PXDNL: variants seen among roughly 807,000 people sequenced by gnomAD.
PXDNL encodes peroxidasin like.
PXDNL carries 145 observed loss-of-function variants against 150.8 expected under a neutral mutation model. The observed-to-expected ratio is 0.96, with a 90% CI of 0.84 to 1.10. The LOEUF is 1.10. Ranked by LOEUF, PXDNL falls within the 50% of genes least tolerant of loss-of-function variation. The probability of loss-of-function intolerance (pLI) is 0.00; values close to 1 mark genes in which losing one functional copy is unlikely to be tolerated. For synonymous variants in PXDNL, 757 were observed against 725.7 expected (o/e 1.04, Z -0.69); for missense variants, 2,087 against 1,873.9 (o/e 1.11, Z -2.10).
chr8:51,614,918 A>G (rs1393454877), intron 2 of PXDNL, among the ~76,000 whole-genome samples: 1 of 152,234 alleles, frequency 6.6e-6, no homozygotes, highest in Admixed American at 6.5e-5. Context: ...ATATAAGCAA[A>G]TAAAAAACTA....
At chr8:51,728,544 T>C (rs973471027) in intron 1 of PXDNL, among the ~76,000 whole-genome samples, 2 of 152,056 alleles carry the variant, frequency 1.3e-5, no homozygotes, top group Non-Finnish European at 2.9e-5. Flanking sequence ...CCTAGGCGAA[T>C]GTGTGTGTTT....
At chr8:51,783,858 G>A (rs2037437338) in intron 1 of PXDNL, among the ~76,000 whole-genome samples, 1 of 152,074 alleles carries the variant, frequency 6.6e-6, no homozygotes, top group Admixed American at 6.5e-5. Flanking sequence ...GAAAGAAATT[G>A]GTAAAATGGA....
chr8:51,623,416 A>C (rs1000755688), intron 2 of PXDNL, among the ~76,000 whole-genome samples: 2 of 152,244 alleles, frequency 1.3e-5, no homozygotes, highest in Non-Finnish European at 2.9e-5. Flanking sequence ...GGTGGTGGTA[A>C]GTGTCGCTAA....
At chr8:51,791,448 G>A (rs953087738) in intron 1 of PXDNL, among the ~76,000 whole-genome samples, 1 of 152,200 alleles carries the variant, frequency 6.6e-6, no homozygotes, top group Admixed American at 6.5e-5. Flanking sequence ...CAACGGCTCA[G>A]AGCTTGAAGG....
Position 51,474,608 on chromosome 8 carries a change from C to T in PXDNL, c.694+364G>A, listed in dbSNP as rs931574654. Among the ~76,000 whole-genome samples the T allele has an allele frequency of 2.0e-5, 3 of 152,138 alleles. 1 individual carries two copies. The highest frequency in any genetic ancestry group is 1.3e-4 in the Admixed American group (2 of 15,270). Reference sequence around the variant, plus strand: ...GCAATTATTTGATTTAAAGTTGAAACCCCTAAATTACTGATTATTAACACT... The same window carrying T: ...GCAATTATTTGATTTAAAGTTGAAATCCCTAAATTACTGATTATTAACACT... On this transcript the variant is annotated intron_variant, in intron 7 of 22. Coordinates refer to ENST00000356297, the MANE Select transcript of PXDNL (RefSeq NM_144651.5).
rs1267389593 is a variant in PXDNL, at chr8:51,802,763, T to C, written c.164+6418A>G. Among the ~76,000 whole-genome samples the C allele has an allele frequency of 3.9e-5, 6 of 152,206 alleles. No individual in the cohort carries two copies. The East Asian group carries it at 1.2e-3, about 29-fold the overall frequency. On this transcript the variant is annotated intron_variant, in intron 1 of 22. Transcript: ENST00000356297. ...TAGCAAGAACAAGGGCTGTGTGATA[T>C]ACCCCTTCATGCATCCTGTGAAGTA...
intron 1 of PXDNL, among the ~76,000 whole-genome samples, chr8:51,655,123 A>G (rs1046506327): frequency 1.3e-5 from 2 of 152,234 alleles, no homozygotes; most frequent in African/African-American, 2.4e-5. Flanking sequence ...AGTTTGGAAA[A>G]TAATTGATAT....
chr8:51,685,752 C>T (rs770076355), intron 1 of PXDNL, among the ~76,000 whole-genome samples: 5 of 152,206 alleles, frequency 3.3e-5, no homozygotes, highest in Non-Finnish European at 5.9e-5. Flanking sequence ...CTTATTCATA[C>T]ACACTAATGA....
intron 1 of PXDNL, among the ~76,000 whole-genome samples, chr8:51,724,007 T>G (rs1241267654): frequency 4.7e-5 from 6 of 127,146 alleles, no homozygotes; most frequent in Admixed American, 1.9e-4. Context: ...TGAATAGGAG[T>G]GGAAGGTGCA....
chr8:51,519,000 T>C (rs1274987344), intron 4 of PXDNL, among the ~76,000 whole-genome samples: 2 of 152,174 alleles, frequency 1.3e-5, no homozygotes, highest in African/African-American at 4.8e-5. Context: ...TGGTCAGAAA[T>C]TTTTTAAAAC....
chr8:51,656,362 G>A (rs1563497737), intron 1 of PXDNL, among the ~76,000 whole-genome samples: 1 of 152,112 alleles, frequency 6.6e-6, no homozygotes, highest in Non-Finnish European at 1.5e-5. Context: ...CTTGCTAAAT[G>A]GAATGCACTG....
chr8:51,668,427 G>A (rs559138508), intron 1 of PXDNL, among the ~76,000 whole-genome samples: 7 of 152,024 alleles, frequency 4.6e-5, no homozygotes, highest in Admixed American at 6.6e-5. Context: ...CAGCTGCCTC[G>A]GCCTCCCAAA....
intron 1 of PXDNL, among the ~76,000 whole-genome samples, chr8:51,788,127 C>T (rs576695315): frequency 2.4e-4 from 37 of 152,318 alleles, no homozygotes; most frequent in African/African-American, 8.9e-4. Context: ...TTTATATATC[C>T]TGCAAAACCA....
At chr8:51,626,478 T>C (rs1759058577) in intron 2 of PXDNL, among the ~76,000 whole-genome samples, 1 of 152,162 alleles carries the variant, frequency 6.6e-6, no homozygotes, top group African/African-American at 2.4e-5. Flanking sequence ...CTTCTTTCTC[T>C]AATTTTTTAT....
At chr8:51,590,722 C>CT (rs1209149932) in intron 3 of PXDNL, among the ~76,000 whole-genome samples, 6 of 143,554 alleles carry the variant, frequency 4.2e-5, no homozygotes, top group African/African-American at 1.6e-4. Flanking sequence ...AAGTAGATAT[C>CT]TTGTTTTTTT....
chr8:51,395,603 G>T (rs1454505659), intron 17 of PXDNL, among the ~76,000 whole-genome samples: 1 of 152,178 alleles, frequency 6.6e-6, no homozygotes, highest in South Asian at 2.1e-4. Context: ...AATAAAGGGT[G>T]AAGCTGTGAA....
chr8:51,336,938 A>G (rs1310553268), intron 21 of PXDNL, among the ~76,000 whole-genome samples: 2 of 152,178 alleles, frequency 1.3e-5, no homozygotes, highest in Non-Finnish European at 2.9e-5. Flanking sequence ...TAGATTATGG[A>G]GAGATCTAGA....
intron 2 of PXDNL, among the ~76,000 whole-genome samples, chr8:51,601,201 G>A (rs531462184): frequency 8.2e-4 from 125 of 151,824 alleles, no homozygotes; most frequent in Non-Finnish European, 1.5e-3. Flanking sequence ...TTCTGTGGTT[G>A]ATCCATGGAG....
intron 1 of PXDNL, among the ~76,000 whole-genome samples, chr8:51,679,310 C>G (rs752280538): frequency 6.6e-6 from 1 of 152,148 alleles, no homozygotes; most frequent in African/African-American, 2.4e-5. Context: ...AGTATTATGA[C>G]ATCAGGTACT....
Sources: allele counts gnomAD v4.1 joint callset (sites outside exome capture counted in the v4.1 genomes callset), GRCh38; gene constraint gnomAD v4.1.1; transcripts MANE v1.5; gene names NCBI Gene and HGNC (gene_info 2026-07-23, HGNC 2026-07-21).